RTN4: variants seen among roughly 807,000 people sequenced by gnomAD.
RTN4 encodes reticulon 4, also known as reticulon-4.
A neutral mutation model predicts 90.4 loss-of-function variants in RTN4; 32 were observed. The observed-to-expected ratio is 0.35, with a 90% CI of 0.27 to 0.48. RTN4 has a LOEUF of 0.48. Ranked by LOEUF, RTN4 falls within the 20% of genes least tolerant of loss-of-function variation. The probability of loss-of-function intolerance (pLI) is 0.99; values close to 1 mark genes in which losing one functional copy is unlikely to be tolerated. For synonymous variants in RTN4, 629 were observed against 552.5 expected (o/e 1.14, Z -1.94); for missense variants, 1,706 against 1,430.2 (o/e 1.19, Z -3.11).
At chr2:54,988,134 C>T (rs1327755777) in intron 3 of RTN4, among the ~76,000 whole-genome samples, 4 of 152,126 alleles carry the variant, frequency 2.6e-5, no homozygotes, top group Admixed American at 6.5e-5. Context: ...CTGGCCAACA[C>T]GGCAAAACTC....
At chr2:55,094,545 T>C (rs1029220869) in intron 1 of RTN4, among the ~76,000 whole-genome samples, 2 of 152,128 alleles carry the variant, frequency 1.3e-5, no homozygotes, top group African/African-American at 2.4e-5. Flanking sequence ...ATACGCCACA[T>C]ACCATAAACA....
chr2:55,020,382 C>G (rs1681336644), intron 3 of RTN4, among the ~76,000 whole-genome samples: 1 of 150,492 alleles, frequency 6.6e-6, no homozygotes, highest in African/African-American at 2.4e-5. Flanking sequence ...ACAGATAACC[C>G]AGAAATTAAT....
chr2:54,981,413 T>C (rs1283326942), intron 5 of RTN4, among the ~76,000 whole-genome samples: 1 of 152,000 alleles, frequency 6.6e-6, no homozygotes, highest in African/African-American at 2.4e-5. Flanking sequence ...AAATATAAAC[T>C]AGAACATTTC....
chr2:55,063,067 C>A (rs887394521), intron 2 of RTN4, among the ~76,000 whole-genome samples: 9 of 152,170 alleles, frequency 5.9e-5, no homozygotes, highest in Admixed American at 2.0e-4. Context: ...CCATACTAAC[C>A]TTGATCTACC....
intron 1 of RTN4, among the ~76,000 whole-genome samples, chr2:55,044,785 TAAAAAAAAAA>T (rs10639848): frequency 9.1e-5 from 6 of 65,646 alleles, no homozygotes; most frequent in East Asian, 1.1e-3. Flanking sequence ...TGCAAATCAC[TAAAAAAAAAA>T]AAAAAAAAAA....
chr2:54,995,639 C>G (rs1214614585), intron 3 of RTN4, among the ~76,000 whole-genome samples: 1 of 152,128 alleles, frequency 6.6e-6, no homozygotes, highest in Non-Finnish European at 1.5e-5. Flanking sequence ...GTGGCCAGAG[C>G]CTATCCTGAC....
chr2:55,033,834 G>C (rs1462744627), intron 1 of RTN4, among the ~76,000 whole-genome samples: 2 of 152,162 alleles, frequency 1.3e-5, no homozygotes, highest in Non-Finnish European at 2.9e-5. Context: ...TCAAGTCAGA[G>C]TGACTGGGTT....
At chr2:55,108,441 C>A (rs1558883294) in intron 1 of RTN4, among the ~76,000 whole-genome samples, 1 of 151,952 alleles carries the variant, frequency 6.6e-6, no homozygotes, top group Non-Finnish European at 1.5e-5. Context: ...CGGGGATGGG[C>A]CTGGAATTCC....
At chr2:55,106,728 T>C (rs1304871198) in intron 1 of RTN4, among the ~76,000 whole-genome samples, 2 of 151,980 alleles carry the variant, frequency 1.3e-5, no homozygotes, top group Non-Finnish European at 2.9e-5. Flanking sequence ...CCATGTTGGC[T>C]AGGCTGGTCT....
intron 3 of RTN4, among the ~76,000 whole-genome samples, chr2:55,014,202 T>C (rs1680858030): frequency 6.6e-6 from 1 of 152,076 alleles, no homozygotes; most frequent in Non-Finnish European, 1.5e-5. Flanking sequence ...AAGATTTTAG[T>C]CTAGAAAATG....
chr2:55,088,638 C>T (rs1668884279), intron 1 of RTN4, among the ~76,000 whole-genome samples: 1 of 152,214 alleles, frequency 6.6e-6, no homozygotes, highest in African/African-American at 2.4e-5. Context: ...CCACTTGGCA[C>T]ATACATTGGA....
At position 55,026,988 on chromosome 2, in the gene RTN4, C is replaced by T. The variant is rs1380322627; in HGVS notation, c.1111G>A (p.Glu371Lys). The T allele has an allele frequency of 1.9e-6, 3 of 1,613,434 alleles. No individual in the cohort carries two copies. Among genetic ancestry groups the T allele is most frequent in the Non-Finnish European group, 2.5e-6 (3 of 1,179,878 alleles). The change falls in exon 3 of 9, where the codon GAA becomes AAA. Residue 371 changes from glutamate (E) to lysine (K), a missense_variant. Coordinates refer to ENST00000337526, the MANE Select transcript of RTN4 (RefSeq NM_020532.5). ...SSEKAKDSFN[E>K]KRVAVEAPMR... ...GGAGCTTCCACTGCAACTCTCTTTT[C>T]ATTAAAACTGTCTTTTGCTTTTTCT...
the RTN4 span, among the ~76,000 whole-genome samples, chr2:55,127,852 A>G: frequency 6.6e-6 from 1 of 152,104 alleles, no homozygotes; most frequent in Non-Finnish European, 1.5e-5. Flanking sequence ...CAGATACTTC[A>G]GTGAAACCTT....
chr2:55,088,229 A>G (rs1370931942), intron 1 of RTN4, among the ~76,000 whole-genome samples: 1 of 152,270 alleles, frequency 6.6e-6, no homozygotes, highest in Non-Finnish European at 1.5e-5. Context: ...CCCAGCCCTC[A>G]GAGGAAACTC....
intron 1 of RTN4, among the ~76,000 whole-genome samples, chr2:55,046,309 T>A (rs1372079880): frequency 6.6e-6 from 1 of 152,176 alleles, no homozygotes; most frequent in Non-Finnish European, 1.5e-5. Context: ...AAGCTAAACA[T>A]TTTTACCATT....
At chr2:55,055,780 A>G (rs1024168871), upstream of RTN4, among the ~76,000 whole-genome samples, 1 of 151,282 alleles carries the variant, frequency 6.6e-6, no homozygotes, top group Non-Finnish European at 1.5e-5. Context: ...AAAAAAAAAA[A>G]CAAAAAAAAC....
intron 2 of RTN4, among the ~76,000 whole-genome samples, chr2:55,059,308 T>G (rs1183011896): frequency 2.8e-5 from 1 of 35,708 alleles, no homozygotes; most frequent in African/African-American, 7.2e-5. Flanking sequence ...TTAGACTTAA[T>G]TGTTTTTTTT....
At chr2:55,135,387 A>G in the RTN4 span, among the ~76,000 whole-genome samples, 1 of 151,964 alleles carries the variant, frequency 6.6e-6, no homozygotes, top group Non-Finnish European at 1.5e-5. Flanking sequence ...CTGTATTTTT[A>G]GTAGAGATGG....
the RTN4 span, among the ~76,000 whole-genome samples, chr2:55,123,035 C>A: frequency 2.6e-5 from 4 of 152,178 alleles, no homozygotes; most frequent in Non-Finnish European, 5.9e-5. Context: ...ACTGCAAATC[C>A]AATATCCACA....
Sources: allele counts gnomAD v4.1 joint callset (sites outside exome capture counted in the v4.1 genomes callset), GRCh38; gene constraint gnomAD v4.1.1; transcripts MANE v1.5; gene names NCBI Gene and HGNC (gene_info 2026-07-23, HGNC 2026-07-21).